Variants in MAGI3 observed in about 807,000 individuals in gnomAD.
The protein encoded by MAGI3 is membrane-associated guanylate kinase, WW and PDZ domain-containing protein 3.
In MAGI3, 43 loss-of-function variants were observed where a neutral mutation model predicts 121.8. That is an observed-to-expected ratio of 0.35 (90% CI 0.28 to 0.46). The LOEUF (loss-of-function observed/expected upper bound fraction) is 0.46. MAGI3 is among the 20% of genes least tolerant of loss of function. The pLI, the probability that MAGI3 is intolerant of heterozygous loss-of-function variation, is 1.00. For synonymous variants in MAGI3, 553 were observed against 639.3 expected (o/e 0.86, Z 2.04); for missense variants, 1,547 against 1,797.3 (o/e 0.86, Z 2.52).
chr1:113,634,169 T>C (rs2101807912), intron 9 of MAGI3, among the ~76,000 whole-genome samples: 1 of 152,352 alleles, frequency 6.6e-6, no homozygotes, highest in Non-Finnish European at 1.5e-5. Flanking sequence ...GCAAAAATTT[T>C]CTCCCATTTT....
intron 6 of MAGI3, among the ~76,000 whole-genome samples, chr1:113,604,941 A>G (rs1341272475): frequency 1.3e-5 from 2 of 150,874 alleles, no homozygotes; most frequent in African/African-American, 4.8e-5. Flanking sequence ...CCATGTAACC[A>G]AAAACCACTT....
chr1:113,582,463 G>A (rs925810531), intron 3 of MAGI3, among the ~76,000 whole-genome samples: 1 of 66,994 alleles, frequency 1.5e-5, no homozygotes, highest in East Asian at 2.2e-4. Flanking sequence ...TGGATTTATA[G>A]GTATCAACAT....
At chr1:113,592,683 T>C (rs543448654) in intron 5 of MAGI3, among the ~76,000 whole-genome samples, 2 of 152,302 alleles carry the variant, frequency 1.3e-5, no homozygotes, top group East Asian at 3.9e-4. Context: ...ATAATCTCAC[T>C]TTTTTCTACA....
intron 19 of MAGI3, among the ~76,000 whole-genome samples, chr1:113,678,388 T>C (rs1648008924): frequency 6.6e-6 from 1 of 152,222 alleles, no homozygotes; most frequent in Non-Finnish European, 1.5e-5. Context: ...TTCACTTATA[T>C]ATTCTGGATA....
chr1:113,496,326 A>C (rs1656916149), intron 1 of MAGI3, among the ~76,000 whole-genome samples: 1 of 152,204 alleles, frequency 6.6e-6, no homozygotes. Flanking sequence ...GTCTCCAAAA[A>C]GTTAGCTGCA....
At position 113,534,871 on chromosome 1, in the gene MAGI3, A is replaced by G. The variant is rs377106278; in HGVS notation, c.317-14644A>G. Among the ~76,000 whole-genome samples, 5 of 151,824 alleles carry G rather than the reference A, an allele frequency of 3.3e-5. No individual in the cohort carries two copies. The East Asian group carries it at 5.8e-4, about 18-fold the overall frequency. ...CTGTTTAATTGTTTTTCTCCTGTCC[A>G]TGTTTTCTTGTACATAATTTACTAA... On this transcript the variant is annotated intron_variant, in intron 1 of 20. Transcript: ENST00000307546.
chr1:113,573,788 G>A lies in MAGI3; in HGVS notation c.434-6754G>A, dbSNP rs577310279. Reference sequence around the variant, plus strand: ...TGTTGATTTGCCTAATATTGACAGTGGGGTGTTATAGTCTCCCACTATTAT... The same window carrying A: ...TGTTGATTTGCCTAATATTGACAGTAGGGTGTTATAGTCTCCCACTATTAT... On this transcript the variant is annotated intron_variant, in intron 2 of 20. Transcript: ENST00000307546. Among the ~76,000 whole-genome samples, 397 of 152,226 alleles carry A rather than the reference G, an allele frequency of 2.6e-3. 1 individual carries two copies. The highest frequency in any genetic ancestry group is 8.3e-3 in the African/African-American group (344 of 41,536).
At chr1:113,505,512 TAATA>T (rs58511819) in intron 1 of MAGI3, among the ~76,000 whole-genome samples, 1,538 of 135,578 alleles carry the variant, frequency 0.011, 13 homozygotes, top group African/African-American at 0.024. Flanking sequence ...GGTCCCTACA[TAATA>T]AATAAATAAA....
intron 3 of MAGI3, among the ~76,000 whole-genome samples, chr1:113,582,862 A>C (rs920761397): frequency 6.6e-6 from 1 of 151,814 alleles, no homozygotes; most frequent in Non-Finnish European, 1.5e-5. Flanking sequence ...ATACATGTAC[A>C]TATACTTATA....
chr1:113,489,009 A>G (rs1216958418), intron 1 of MAGI3, among the ~76,000 whole-genome samples: 1 of 152,138 alleles, frequency 6.6e-6, no homozygotes, highest in Non-Finnish European at 1.5e-5. Context: ...CCACATGGAG[A>G]CAGGCATCCT....
chr1:113,511,822 T>C (rs1434540082), intron 1 of MAGI3, among the ~76,000 whole-genome samples: 1 of 152,226 alleles, frequency 6.6e-6, no homozygotes, highest in Admixed American at 6.5e-5. Flanking sequence ...TTACTGAAGC[T>C]GATATTGGGC....
chr1:113,612,222 G>A (rs1334242123), intron 6 of MAGI3, among the ~76,000 whole-genome samples: 2 of 152,116 alleles, frequency 1.3e-5, no homozygotes, highest in African/African-American at 2.4e-5. Context: ...AATTACAGGC[G>A]TGAGCCAACT....
At chr1:113,518,780 C>G (rs2101623365) in intron 1 of MAGI3, among the ~76,000 whole-genome samples, 1 of 152,118 alleles carries the variant, frequency 6.6e-6, no homozygotes, top group African/African-American at 2.4e-5. Context: ...GATCTTAAAT[C>G]TAATCCATTT....
chr1:113,455,176 A>G (rs948799108), intron 1 of MAGI3, among the ~76,000 whole-genome samples: 1 of 152,200 alleles, frequency 6.6e-6, no homozygotes, highest in East Asian at 1.9e-4. Flanking sequence ...AAAAATCCCA[A>G]TAATATATGA....
chr1:113,682,886 C>T lies in MAGI3; in HGVS notation c.3329-11C>T. Reference sequence around the variant, plus strand: ...AAATTTAATAATGTTCCATTCAAATCACTTTTTTAGGTGATTGGGATATTA... The same window carrying T: ...AAATTTAATAATGTTCCATTCAAATTACTTTTTTAGGTGATTGGGATATTA... On this transcript the variant is annotated splice_polypyrimidine_tract_variant and intron_variant, in intron 20 of 20. Coordinates refer to ENST00000307546, the MANE Select transcript of MAGI3 (RefSeq NM_001142782.2). The T allele has an allele frequency of 1.3e-6, 2 of 1,545,498 alleles. No homozygotes were observed. The highest frequency in any genetic ancestry group is 1.7e-6 in the Non-Finnish European group (2 of 1,151,344).
intron 1 of MAGI3, among the ~76,000 whole-genome samples, chr1:113,464,147 C>T (rs1019292850): frequency 2.0e-5 from 3 of 152,024 alleles, no homozygotes; most frequent in African/African-American, 7.2e-5. Flanking sequence ...TCCTCTTCAT[C>T]TCTTCCTTGC....
At chr1:113,399,309 C>T (rs972093187) in intron 1 of MAGI3, among the ~76,000 whole-genome samples, 2 of 151,982 alleles carry the variant, frequency 1.3e-5, no homozygotes, top group East Asian at 1.9e-4. Flanking sequence ...ATTGGTCAGG[C>T]GTGGGGACAT....
At chr1:113,550,705 G>A (rs192353847) in intron 2 of MAGI3, among the ~76,000 whole-genome samples, 63 of 149,142 alleles carry the variant, frequency 4.2e-4, no homozygotes, top group South Asian at 2.5e-3. Context: ...GCAGTGAGCC[G>A]AGATCATGCC....
At chr1:113,622,136 G>A (rs973937621) in intron 8 of MAGI3, among the ~76,000 whole-genome samples, 1 of 152,086 alleles carries the variant, frequency 6.6e-6, no homozygotes, top group African/African-American at 2.4e-5. Flanking sequence ...ATAGATAATG[G>A]CAGAACATTT....
Sources: allele counts gnomAD v4.1 joint callset (sites outside exome capture counted in the v4.1 genomes callset), GRCh38; gene constraint gnomAD v4.1.1; transcripts MANE v1.5; gene names NCBI Gene and HGNC (gene_info 2026-07-23, HGNC 2026-07-21).